Variants in EXOC4 observed in about 807,000 individuals in gnomAD.
EXOC4 encodes SEC8-like 1.
EXOC4 carries 71 observed loss-of-function variants against 107.2 expected under a neutral mutation model. The ratio of observed to expected loss-of-function variants is 0.66; its 90% CI spans 0.55 to 0.81. The LOEUF (loss-of-function observed/expected upper bound fraction) is 0.81, where lower values mean the gene tolerates loss of function less well. Ranked by LOEUF, EXOC4 falls within the 30% of genes least tolerant of loss-of-function variation. The pLI is 0.00. For missense variants in EXOC4, 1,108 were observed against 1,189.6 expected, an observed-to-expected ratio of 0.93 and a Z score of 1.01; for synonymous variants, 456 against 441.2, an observed-to-expected ratio of 1.03 and a Z score of -0.42.
At chr7:133,504,059 A>G (rs1448624694) in intron 9 of EXOC4, among the ~76,000 whole-genome samples, 2 of 152,150 alleles carry the variant, frequency 1.3e-5, no homozygotes, top group Non-Finnish European at 2.9e-5. Context: ...GTGTACAAAT[A>G]CAGTTCCCGA....
intron 14 of EXOC4, among the ~76,000 whole-genome samples, chr7:133,984,446 G>A (rs538884113): frequency 6.6e-6 from 1 of 152,286 alleles, no homozygotes; most frequent in East Asian, 1.9e-4. Context: ...CCCTGAAACA[G>A]AATAATGTTC....
At chr7:133,390,233 C>T (rs543301233) in intron 7 of EXOC4, among the ~76,000 whole-genome samples, 39 of 152,288 alleles carry the variant, frequency 2.6e-4, no homozygotes, top group Admixed American at 1.0e-3. Flanking sequence ...GGAGCACTTT[C>T]CTTAAGTAGT....
chr7:133,637,381 C>T (rs138798732), intron 10 of EXOC4, among the ~76,000 whole-genome samples: 3 of 152,194 alleles, frequency 2.0e-5, no homozygotes, highest in African/African-American at 7.2e-5. Flanking sequence ...CTACCCATGT[C>T]AGTTTGATGT....
At chr7:133,582,325 G>T (rs1801296009) in intron 9 of EXOC4, among the ~76,000 whole-genome samples, 1 of 152,140 alleles carries the variant, frequency 6.6e-6, no homozygotes, top group Non-Finnish European at 1.5e-5. Context: ...TCTTTCTTAT[G>T]GCTGTGTAGT....
the EXOC4 span, among the ~76,000 whole-genome samples, chr7:134,073,588 G>A: frequency 6.6e-6 from 1 of 152,092 alleles, no homozygotes; most frequent in South Asian, 2.1e-4. Context: ...TACCTTGGCT[G>A]AGGAATGTCA....
At chr7:133,714,872 C>T (rs928555257) in intron 10 of EXOC4, among the ~76,000 whole-genome samples, 2 of 152,084 alleles carry the variant, frequency 1.3e-5, no homozygotes, top group Admixed American at 1.3e-4. Flanking sequence ...GGACTTTAGC[C>T]TCTACTCTGC....
At chr7:133,953,981 C>T (rs997496277) in intron 14 of EXOC4, among the ~76,000 whole-genome samples, 1 of 152,156 alleles carries the variant, frequency 6.6e-6, no homozygotes, top group Non-Finnish European at 1.5e-5. Context: ...TGCAGGAACC[C>T]CAAGGATTCC....
At chr7:133,557,451 G>C (rs921080033) in intron 9 of EXOC4, among the ~76,000 whole-genome samples, 8 of 152,084 alleles carry the variant, frequency 5.3e-5, no homozygotes, top group Non-Finnish European at 1.2e-4. Context: ...ATGGCCTAGG[G>C]ATTTCATGGG....
the EXOC4 span, among the ~76,000 whole-genome samples, chr7:134,072,970 C>T: frequency 2.6e-5 from 4 of 151,318 alleles, no homozygotes; most frequent in South Asian, 2.1e-4. Flanking sequence ...TTTGGGAGGC[C>T]GAGGCAGGTG....
intron 9 of EXOC4, among the ~76,000 whole-genome samples, chr7:133,614,138 G>C (rs952551997): frequency 4.6e-5 from 7 of 151,322 alleles, no homozygotes; most frequent in African/African-American, 1.5e-4. Context: ...AGATGAAAGT[G>C]CCCTACACTG....
At chr7:133,302,395 CTGGTAGTCA>C (rs753246780) in intron 3 of EXOC4, among the ~76,000 whole-genome samples, 21 of 152,146 alleles carry the variant, frequency 1.4e-4, no homozygotes, top group Non-Finnish European at 2.2e-4. Flanking sequence ...AAAAAATTCA[CTGGTAGTCA>C]TATCTGTTTT....
At chr7:133,614,938 C>T (rs1352013311) in intron 9 of EXOC4, among the ~76,000 whole-genome samples, 1 of 151,880 alleles carries the variant, frequency 6.6e-6, no homozygotes, top group Non-Finnish European at 1.5e-5. Context: ...AAAACAGTGC[C>T]AGATGATGAG....
rs147941665 is a variant in EXOC4, at chr7:133,609,533, A to C, written c.1418-20512A>C. Among the ~76,000 whole-genome samples, 270 of 152,362 alleles carry C rather than the reference A, an allele frequency of 1.8e-3. 1 individual carries two copies. Among genetic ancestry groups the C allele is most frequent in the African/African-American group, 6.1e-3 (252 of 41,592 alleles). On this transcript the variant is annotated intron_variant, in intron 9 of 17. Coordinates refer to ENST00000253861, the MANE Select transcript of EXOC4 (RefSeq NM_021807.4). ...TAGAAGTCAGCTGAGAAGAAACATTAAAGGAGGAATATTTTCCATCAACTG... is the reference window on the plus strand; with the variant it reads ...TAGAAGTCAGCTGAGAAGAAACATTCAAGGAGGAATATTTTCCATCAACTG...
chr7:133,969,243 A>G (rs986538121), intron 14 of EXOC4, among the ~76,000 whole-genome samples: 1 of 152,082 alleles, frequency 6.6e-6, no homozygotes, highest in African/African-American at 2.4e-5. Flanking sequence ...AATTCCTCTA[A>G]CCTTTTTCAA....
At chr7:133,531,474 CAAGT>C (rs1800180464) in intron 9 of EXOC4, among the ~76,000 whole-genome samples, 1 of 152,064 alleles carries the variant, frequency 6.6e-6, no homozygotes, top group South Asian at 2.1e-4. Context: ...AAAATTTTGA[CAAGT>C]AGGTGAAAAC....
chr7:133,832,107 G>A (rs963297344), intron 11 of EXOC4, among the ~76,000 whole-genome samples: 2 of 152,132 alleles, frequency 1.3e-5, no homozygotes, highest in Admixed American at 6.5e-5. Flanking sequence ...ACCCTTGTGG[G>A]AAACAACTTT....
intron 7 of EXOC4, among the ~76,000 whole-genome samples, chr7:133,441,852 G>T (rs1798112739): frequency 6.6e-6 from 1 of 152,184 alleles, no homozygotes; most frequent in South Asian, 2.1e-4. Flanking sequence ...GTGTGTATGT[G>T]TGCATGCACA....
intron 9 of EXOC4, among the ~76,000 whole-genome samples, chr7:133,513,773 G>C (rs1276112818): frequency 1.3e-5 from 2 of 152,154 alleles, no homozygotes; most frequent in African/African-American, 4.8e-5. Flanking sequence ...TGAGTAATAA[G>C]GCTTGTGAAA....
chr7:133,784,730 G>A (rs1416684483), intron 10 of EXOC4, among the ~76,000 whole-genome samples: 4 of 152,224 alleles, frequency 2.6e-5, no homozygotes, highest in East Asian at 1.9e-4. Flanking sequence ...GAGTTGCTTC[G>A]GGAAGGCTAT....
Sources: gnomAD v4.1 joint callset for allele counts (sites outside exome capture counted in the v4.1 genomes callset) on GRCh38, gnomAD v4.1.1 for gene constraint, MANE v1.5 for transcripts, NCBI Gene and HGNC (gene_info 2026-07-23, HGNC 2026-07-21) for gene names.